BBS9: variants seen among roughly 807,000 people sequenced by gnomAD.
The protein encoded by BBS9 is Bardet-Biedl syndrome 9.
BBS9 carries 89 observed loss-of-function variants against 117.7 expected under a neutral mutation model. The ratio of observed to expected loss-of-function variants is 0.76; its 90% CI spans 0.64 to 0.90. BBS9 has a LOEUF of 0.90. BBS9 is among the 40% of genes least tolerant of loss of function. The pLI is 0.00. For missense variants in BBS9, 982 were observed against 1,042.2 expected (o/e 0.94, Z 0.80); for synonymous variants, 379 against 370.9 (o/e 1.02, Z -0.25).
At chr7:33,595,732 A>C (rs534033254) in intron 21 of BBS9, among the ~76,000 whole-genome samples, 1 of 151,952 alleles carries the variant, frequency 6.6e-6, no homozygotes, top group East Asian at 1.9e-4. Flanking sequence ...AGACATATGC[A>C]TGTGTAATTA....
intron 6 of BBS9, among the ~76,000 whole-genome samples, chr7:33,259,921 G>T (rs1446741730): frequency 2.7e-5 from 4 of 146,446 alleles, no homozygotes; most frequent in African/African-American, 5.0e-5. Context: ...AACTTTGAAG[G>T]TTTCTTCTCA....
chr7:33,562,186 T>A (rs896833630), intron 21 of BBS9, among the ~76,000 whole-genome samples: 3 of 152,224 alleles, frequency 2.0e-5, no homozygotes, highest in African/African-American at 7.2e-5. Flanking sequence ...AAAGACTAGT[T>A]GACCCTTAGA....
At chr7:33,261,066 C>CT (rs796353587) in intron 6 of BBS9, among the ~76,000 whole-genome samples, 254 of 145,412 alleles carry the variant, frequency 1.7e-3, no homozygotes, top group South Asian at 6.8e-3. Context: ...TCTCTCTCTC[C>CT]TTTTTTTTTT....
At chr7:33,449,925 T>A (rs566370830) in intron 19 of BBS9, among the ~76,000 whole-genome samples, 15 of 152,236 alleles carry the variant, frequency 9.9e-5, no homozygotes, top group Admixed American at 7.2e-4. Context: ...TATAGTACAA[T>A]ATTGTCCACC....
chr7:33,447,861 G>T (rs182725996), intron 19 of BBS9, among the ~76,000 whole-genome samples: 1 of 152,284 alleles, frequency 6.6e-6, no homozygotes, highest in Non-Finnish European at 1.5e-5. Context: ...GATATATGTT[G>T]TTCAGGTTCT....
chr7:33,465,922 A>G (rs1377098012), intron 19 of BBS9, among the ~76,000 whole-genome samples: 2 of 152,180 alleles, frequency 1.3e-5, no homozygotes, highest in Admixed American at 6.5e-5. Context: ...TTGATGAACT[A>G]TAAAAATGAA....
intron 9 of BBS9, among the ~76,000 whole-genome samples, chr7:33,281,926 C>T (rs1379483796): frequency 6.6e-6 from 1 of 151,884 alleles, no homozygotes; most frequent in African/African-American, 2.4e-5. Context: ...GCAATCCTCC[C>T]ACCTCAGCCT....
intron 21 of BBS9, among the ~76,000 whole-genome samples, chr7:33,602,252 G>A (rs2129202083): frequency 6.6e-6 from 1 of 152,250 alleles, no homozygotes; most frequent in East Asian, 1.9e-4. Flanking sequence ...TAATCATCTG[G>A]CATATTCCTA....
At chr7:33,194,930 C>T (rs1784705684) in intron 5 of BBS9, among the ~76,000 whole-genome samples, 1 of 152,102 alleles carries the variant, frequency 6.6e-6, no homozygotes, top group Non-Finnish European at 1.5e-5. Context: ...ACATAATCAC[C>T]ATTTTTTCAT....
intron 21 of BBS9, among the ~76,000 whole-genome samples, chr7:33,584,921 C>G (rs1335989738): frequency 6.6e-6 from 1 of 151,982 alleles, no homozygotes; most frequent in Non-Finnish European, 1.5e-5. Flanking sequence ...ATTATTTTTC[C>G]TTTATATTTG....
intron 19 of BBS9, among the ~76,000 whole-genome samples, chr7:33,391,565 CAG>C (rs1369089219): frequency 6.6e-6 from 1 of 152,176 alleles, no homozygotes; most frequent in East Asian, 1.9e-4. Flanking sequence ...TTAACTGAAA[CAG>C]TAATTTGATT....
chr7:33,176,437 G>C (rs1234850422), intron 4 of BBS9, among the ~76,000 whole-genome samples: 1 of 152,118 alleles, frequency 6.6e-6, no homozygotes, highest in Non-Finnish European at 1.5e-5. Context: ...TGAATACTCA[G>C]TTCTCTACCT....
At position 33,542,276 on chromosome 7, in the gene BBS9, G is replaced by A. The variant is rs552463149; in HGVS notation, c.2521+8100G>A. On this transcript the variant is annotated intron_variant, in intron 21 of 22. Transcript: ENST00000242067. ...ATTTTTGTATTTTTAGTAGAGACGG[G>A]GTTTCACCATATTGGTCAGGCTGGT... Among the ~76,000 whole-genome samples, 12 of 152,078 alleles carry A rather than the reference G, an allele frequency of 7.9e-5. No individual in the cohort carries two copies. In the East Asian group the frequency reaches 2.3e-3, roughly 30 times the overall value.
At chr7:33,396,129 A>T (rs2128776530) in intron 19 of BBS9, among the ~76,000 whole-genome samples, 1 of 152,262 alleles carries the variant, frequency 6.6e-6, no homozygotes, top group Middle Eastern at 3.4e-3. Context: ...AAAAAATGGA[A>T]TTTGTACATT....
intron 21 of BBS9, among the ~76,000 whole-genome samples, chr7:33,563,364 A>G (rs1856377441): frequency 6.6e-6 from 1 of 152,192 alleles, no homozygotes; most frequent in South Asian, 2.1e-4. Flanking sequence ...TTTGTTTCAC[A>G]AACAACTATG....
At chr7:33,461,473 TA>T (rs879423608) in intron 19 of BBS9, among the ~76,000 whole-genome samples, 51 of 145,388 alleles carry the variant, frequency 3.5e-4, no homozygotes, top group Middle Eastern at 3.6e-3. Context: ...CAAAGTTACT[TA>T]AAAAAAAAAA....
intron 21 of BBS9, among the ~76,000 whole-genome samples, chr7:33,597,829 C>A (rs909746120): frequency 1.4e-5 from 2 of 147,738 alleles, no homozygotes; most frequent in Admixed American, 6.8e-5. Context: ...AGCTACAGTT[C>A]TTTGATTCCA....
chr7:33,323,490 G>T (rs935412903), intron 9 of BBS9, among the ~76,000 whole-genome samples: 2 of 151,736 alleles, frequency 1.3e-5, no homozygotes, highest in African/African-American at 2.4e-5. Flanking sequence ...ATTATATAAT[G>T]ACTTCCTTCG....
intron 21 of BBS9, among the ~76,000 whole-genome samples, chr7:33,576,589 G>A (rs1416517703): frequency 3.3e-5 from 5 of 152,054 alleles, no homozygotes; most frequent in Admixed American, 1.3e-4. Context: ...AAAAGAGCCC[G>A]CTTTGCCAAG....
Sources: allele counts gnomAD v4.1 joint callset (sites outside exome capture counted in the v4.1 genomes callset), GRCh38; gene constraint gnomAD v4.1.1; transcripts MANE v1.5; gene names NCBI Gene and HGNC (gene_info 2026-07-23, HGNC 2026-07-21).